The following PFKL variants were observed in gnomAD, a reference collection of about 807,000 sequenced individuals.
The protein encoded by PFKL is ATP-dependent 6-phosphofructokinase, liver type.
Under a neutral mutation model 92.1 loss-of-function variants are expected in PFKL, and 74 were observed. That is an observed-to-expected ratio of 0.80 (90% CI 0.67 to 0.97). The LOEUF (loss-of-function observed/expected upper bound fraction) is 0.97, where lower values mean the gene tolerates loss of function less well. Ranked by LOEUF, PFKL falls within the 50% of genes least tolerant of loss-of-function variation. The probability of loss-of-function intolerance (pLI) is 0.00; values close to 1 mark genes in which losing one functional copy is unlikely to be tolerated. For synonymous variants in PFKL, 494 were observed against 456.4 expected (o/e 1.08, Z -1.05); for missense variants, 1,028 against 1,116.6 (o/e 0.92, Z 1.13).
At chr21:44,322,878 G>A in intron 14 of PFKL, 84 bp from the exon 15 acceptor site, 2 of 973,650 alleles carry the variant, frequency 2.1e-6, no homozygotes, top group Non-Finnish European at 3.1e-6. Flanking sequence ...GAACGGCCAA[G>A]GCAATGCCTT....
At chr21:44,300,893 G>A (rs1321163010) in intron 1 of PFKL, among the ~76,000 whole-genome samples, 7 of 152,308 alleles carry the variant, frequency 4.6e-5, no homozygotes, top group Non-Finnish European at 7.3e-5. Flanking sequence ...GCCCACTGCC[G>A]GCCTCCAGTG....
intron 1 of PFKL, chr21:44,306,067 T>A: frequency 1.3e-6 from 1 of 781,278 alleles, no homozygotes; most frequent in Non-Finnish European, 1.8e-6. Context: ...GGTGCTTTCC[T>A]CAGTGCCCAG....
intron 1 of PFKL, 147 bp from the exon 2 acceptor site, chr21:44,306,534 G>C: frequency 3.0e-6 from 2 of 666,630 alleles, no homozygotes; most frequent in Non-Finnish European, 5.3e-6. Context: ...GAGATGAGGA[G>C]GGTGACCAGG....
chr21:44,314,273 A>C (rs929892830), intron 7 of PFKL: 8 of 529,752 alleles, frequency 1.5e-5, no homozygotes, highest in African/African-American at 3.8e-5. Flanking sequence ...CCCCAGGCTC[A>C]GCCCCGTGGT....
chr21:44,309,169 A>G (rs2041042096), intron 2 of PFKL, among the ~76,000 whole-genome samples: 1 of 152,066 alleles, frequency 6.6e-6, no homozygotes, highest in Non-Finnish European at 1.5e-5. Context: ...TGGGTTTCTG[A>G]GCCCCCAGCG....
In PFKL at chr21:44,300,142, G is replaced by T. The variant is rs1301222805; in HGVS notation, c.37G>T (p.Gly13Cys). 21 of 1,196,104 alleles carry T rather than the reference G, an allele frequency of 1.8e-5. No individual in the cohort carries two copies. The highest frequency in any genetic ancestry group is 3.2e-5 in the Admixed American group (1 of 31,500). 74.1% of individuals were successfully genotyped at this position (1,196,104 alleles called of 1,614,324 possible). A position where few individuals can be genotyped will look rare whatever the true frequency, so the allele number is the denominator to read the frequency against. The change falls in exon 1 of 22, where the codon GGC becomes TGC. Residue 13 changes from glycine (G) to cysteine (C), a missense_variant. Physicochemically the swap from Gly to Cys is radical, Grantham distance 159. Transcript: ENST00000349048. ...GGACCTGGAGAAGCTGCGGGCGTCG[G>T]GCGCGGGCAAGGCCATCGGCGTCCT... is the stretch of plus-strand genomic sequence containing the variant. ...AVDLEKLRAS[G>C]AGKAIGVLTS...
intron 7 of PFKL, 183 bp from the exon 8 acceptor site, chr21:44,316,061 T>C (rs2047195523): frequency 1.6e-6 from 1 of 613,688 alleles, no homozygotes; most frequent in Non-Finnish European, 2.9e-6. Context: ...GGCGTCCTAG[T>C]GGGCCCAGCC....
At chr21:44,316,601 C>CCCTCA in intron 9 of PFKL, 77 bp downstream of exon 9, 1 of 1,117,280 alleles carries the variant, frequency 9.0e-7, no homozygotes, top group South Asian at 1.4e-5. Flanking sequence ...GCAGTGTGCA[C>CCCTCA]GCGAGCATGG....
intron 11 of PFKL, chr21:44,319,852 G>A: frequency 1.9e-6 from 1 of 527,748 alleles, no homozygotes; most frequent in Non-Finnish European, 3.4e-6. Context: ...TGAGCTGGAT[G>A]CCGGCCACGT....
intron 4 of PFKL, 56 bp downstream of exon 4, chr21:44,312,350 C>G: frequency 6.9e-7 from 1 of 1,456,394 alleles, no homozygotes; most frequent in Non-Finnish European, 9.2e-7. Flanking sequence ...CCGCTGCTGC[C>G]AGGCGTGGGA....
chr21:44,305,932 G>A (rs1269895252), intron 1 of PFKL: 2 of 1,360,538 alleles, frequency 1.5e-6, no homozygotes, highest in South Asian at 2.3e-5. Flanking sequence ...GTCCAGGCTG[G>A]GGGGTGAGGG....
At chr21:44,324,974 T>G (rs1602057247) in intron 18 of PFKL, 57 bp downstream of exon 18, 2 of 1,501,846 alleles carry the variant, frequency 1.3e-6, no homozygotes, top group South Asian at 1.2e-5. Flanking sequence ...GGGGCTGGGG[T>G]GGGGCTGCTG....
chr21:44,316,087 C>A (rs988974783), intron 7 of PFKL, 157 bp from the exon 8 acceptor site: 7 of 669,466 alleles, frequency 1.0e-5, no homozygotes, highest in Non-Finnish European at 1.9e-5. Flanking sequence ...TCTGCCCTCG[C>A]GCTCCAGGCC....
chr21:44,323,274 C>T (rs753087586), intron 15 of PFKL, among the ~76,000 whole-genome samples: 11 of 151,888 alleles, frequency 7.2e-5, no homozygotes, highest in African/African-American at 1.2e-4. Flanking sequence ...TGTGTGGGCT[C>T]GGGAGGGTTC....
chr21:44,310,560 C>T (rs561146614), intron 2 of PFKL, among the ~76,000 whole-genome samples: 14 of 152,302 alleles, frequency 9.2e-5, no homozygotes, highest in Non-Finnish European at 1.3e-4. Context: ...CCCCGCCGGC[C>T]GCATGCCTGG....
In PFKL at chr21:44,316,261, C is replaced by T; in HGVS notation, c.765C>T (p.Ser255=). ...ERLGETRSRG[S]RLNIIIIAEG... is the part of the protein sequence containing the mutation. The stretch of plus-strand genomic sequence containing the variant: ...TGACCCAGACTCGGAGCCGTGGGTC[C>T]CGACTGAACATCATCATCATCGCTG... Residue 255 remains serine (S), a synonymous_variant, in exon 8 of 22, where the codon TCC becomes TCT. Transcript: ENST00000349048. 6.2e-7 allele frequency: 1 copy of T among 1,613,118 alleles called. No homozygotes were observed.
chr21:44,321,614 C>T, intron 12 of PFKL, 115 bp from the exon 13 acceptor site: 1 of 1,063,778 alleles, frequency 9.4e-7, no homozygotes, highest in Non-Finnish European at 1.3e-6. Flanking sequence ...AGCGTCCAGG[C>T]TGCTGGCAGG....
At chr21:44,300,316 T>C in intron 1 of PFKL, 126 bp downstream of exon 1, 1 of 286,226 alleles carries the variant, frequency 3.5e-6, no homozygotes, top group East Asian at 1.6e-4. Flanking sequence ...CGCCCCGGCC[T>C]CCCGCCCCGG....
intron 3 of PFKL, among the ~76,000 whole-genome samples, chr21:44,311,301 GAC>G (rs1019535234): frequency 2.7e-5 from 4 of 147,526 alleles, no homozygotes; most frequent in Admixed American, 2.0e-4. Flanking sequence ...GGCGCGCACA[GAC>G]ACAGACACGT....
Sources: gnomAD v4.1 joint callset for allele counts (sites outside exome capture counted in the v4.1 genomes callset) on GRCh38, gnomAD v4.1.1 for gene constraint, MANE v1.5 for transcripts, NCBI Gene and HGNC (gene_info 2026-07-23, HGNC 2026-07-21) for gene names.